CHD8: variants seen among roughly 807,000 people sequenced by gnomAD.
CHD8 encodes the protein ATP-dependent chromatin remodeler CHD8.
A neutral mutation model predicts 279.2 loss-of-function variants in CHD8; 31 were observed. That is an observed-to-expected ratio of 0.11 (90% CI 0.08 to 0.15). CHD8 has a LOEUF of 0.15. CHD8 is among the 10% of genes least tolerant of loss of function. CHD8 has a pLI of 1.00. For missense variants in CHD8, 2,146 were observed against 3,230.5 expected (o/e 0.66, Z 8.14); for synonymous variants, 1,081 against 1,139.6 (o/e 0.95, Z 1.04).
chr14:21,392,439 G>A (rs2139444368), intron 34 of CHD8, 68 bp downstream of exon 34: 1 of 1,448,594 alleles, frequency 6.9e-7, no homozygotes, highest in East Asian at 2.3e-5. Context: ...TAACCTATTA[G>A]TAAAATTAGT....
At chr14:21,399,189 TACAAC>T (rs1887925830) in intron 26 of CHD8, 1 of 286,906 alleles carries the variant, frequency 3.5e-6, no homozygotes, top group Non-Finnish European at 7.0e-6. Context: ...CACCCAGAAA[TACAAC>T]TGCGACAAGA....
In CHD8 at chr14:21,408,677, C is replaced by A. The variant is rs1888354360; in HGVS notation, c.2486+27G>T. 1 of 1,601,634 alleles carries A rather than the reference C, an allele frequency of 6.2e-7. No individual in the cohort carries two copies. The highest frequency in any genetic ancestry group is 8.5e-7 in the Non-Finnish European group (1 of 1,174,426). On this transcript the variant is annotated intron_variant, in intron 12 of 37. Coordinates refer to ENST00000646647, the MANE Select transcript of CHD8 (RefSeq NM_001170629.2). This position sits in a 1 kb window ranked among gnomAD's most constrained non-coding sequence, Gnocchi z 4.3. ...AAAAATAATCCCAGAACTAAGCTTA[C>A]ATCTTATGGCCCATTCTTTCCTTTA... is the stretch of plus-strand genomic sequence containing the variant.
At position 21,431,591 on chromosome 14, in the gene CHD8, T is replaced by C; in HGVS notation, c.53A>G (p.Asp18Gly). ...LFDDPNLFGL[D>G]SLTDDSFNQV... ...GTTAAAGCTGTCATCAGTCAGAGAG[T>C]CCAGGCCAAATAAATTTGGGTCATC... Residue 18 changes from aspartate (D) to glycine (G), a missense_variant, in exon 2 of 38, where the codon GAC (aspartate) becomes GGC (glycine). Asp to Gly is a moderately conservative substitution (Grantham distance 94, BLOSUM62 -1). Coordinates refer to ENST00000646647, the MANE Select transcript of CHD8 (RefSeq NM_001170629.2). 3.9e-6 allele frequency: 6 copies of C among 1,536,842 alleles called. No individual in the cohort carries two copies. The highest frequency in any genetic ancestry group is 5.2e-6 in the Non-Finnish European group (6 of 1,146,776).
chr14:21,411,672 C>A (rs1254937522), intron 10 of CHD8, among the ~76,000 whole-genome samples: 1 of 151,966 alleles, frequency 6.6e-6, no homozygotes, highest in African/African-American at 2.4e-5. Context: ...GTGACAAATT[C>A]TAAGAAAATG....
At chr14:21,442,919 G>A (rs185037491) in intron 1 of CHD8, among the ~76,000 whole-genome samples, 1 of 152,218 alleles carries the variant, frequency 6.6e-6, no homozygotes, top group Non-Finnish European at 1.5e-5. Context: ...TGACTGTGAA[G>A]AACTGGAGAA....
Position 21,386,101 on chromosome 14 carries a change from G to A in CHD8, c.7258C>T (p.Arg2420Cys), listed in dbSNP as rs371294659. The A allele has an allele frequency of 7.7e-6, 12 of 1,559,122 alleles. 1 individual carries two copies. The highest frequency in any genetic ancestry group is 5.4e-5 in the African/African-American group (4 of 73,408). The change falls in exon 38 of 38, where the codon CGT (arginine) becomes TGT (cysteine). Residue 2420 changes from arginine (R) to cysteine (C), a missense_variant. Arg to Cys is a radical substitution (Grantham distance 180). Transcript: ENST00000646647. ...IAPESSKKRA[R>C]RMRPDLSKMM... ...TTAGAAAGGTCTGGTCGCATCCTAC[G>A]GGCCCGCTTCTTGCTGCTCTCTGGT... is the stretch of plus-strand genomic sequence containing the variant.
chr14:21,449,131 G>A (rs1890199019), intron 1 of CHD8, among the ~76,000 whole-genome samples: 3 of 152,056 alleles, frequency 2.0e-5, no homozygotes, highest in Admixed American at 6.5e-5. Context: ...CCAAGACTGC[G>A]CCACTGCACT....
intron 1 of CHD8, among the ~76,000 whole-genome samples, chr14:21,443,019 T>G (rs1411153534): frequency 1.3e-5 from 2 of 152,110 alleles, no homozygotes; most frequent in African/African-American, 4.8e-5. Flanking sequence ...AAAGAAAACT[T>G]CAGATTTTCC....
intron 8 of CHD8, 188 bp downstream of exon 8, chr14:21,414,750 A>G (rs577995203): frequency 3.1e-6 from 2 of 637,970 alleles, no homozygotes; most frequent in Admixed American, 3.0e-5. Context: ...CCACTTACCT[A>G]CAAGGAAATA....
rs1317942971 is a variant in CHD8 at position 21,426,207 on chromosome 14, C to T, written c.1637G>A (p.Arg546His). ...ITPVVGKKRK[R>H]NTSSDNSDVE... ...ATCTGAATTATCAGATGAGGTATTACGTTTTCTCTTCTTACCCACTACAGG... is the reference window on the plus strand; with the variant it reads ...ATCTGAATTATCAGATGAGGTATTATGTTTTCTCTTCTTACCCACTACAGG... Residue 546 changes from arginine to histidine, a missense_variant, in exon 5 of 38, where the codon CGT (arginine) becomes CAT (histidine). By Grantham distance (29) the Arg-to-His change is conservative. Coordinates refer to ENST00000646647, the MANE Select transcript of CHD8 (RefSeq NM_001170629.2). The T allele has an allele frequency of 1.2e-6, 2 of 1,610,350 alleles. No individual in the cohort carries two copies. Among genetic ancestry groups the T allele is most frequent in the Non-Finnish European group, 1.7e-6 (2 of 1,177,072 alleles).
At position 21,394,950 on chromosome 14, in the gene CHD8, G is replaced by A. The variant is rs762179836; in HGVS notation, c.5352C>T (p.Phe1784=). 4 of 1,613,860 alleles carry A rather than the reference G, an allele frequency of 2.5e-6. No homozygotes were observed. The East Asian group carries it at 8.9e-5, about 36-fold the overall frequency. Residue 1784 remains phenylalanine, a synonymous_variant, in exon 30 of 38, where the codon TTC becomes TTT. Transcript: ENST00000646647. The stretch of plus-strand genomic sequence containing the variant: ...CCCGCCGTGCAATTTCTTTCAGCTT[G>A]AAGGCTGCTTCACAACGCCGCCTTC... ...DRRRRRCEAA[F]KLKEIARREK...
chr14:21,396,157 C>T (rs961742128), intron 27 of CHD8, among the ~76,000 whole-genome samples: 1 of 151,842 alleles, frequency 6.6e-6, no homozygotes, highest in Admixed American at 6.6e-5. Context: ...CCACCGCACC[C>T]GGCTAATTTT....
chr14:21,411,011 T>TA (rs1888470333), intron 10 of CHD8, among the ~76,000 whole-genome samples: 2 of 152,054 alleles, frequency 1.3e-5, no homozygotes, highest in African/African-American at 4.8e-5. Context: ...GGAAAATGGG[T>TA]ATATAGAATA....
chr14:21,422,532 C>T (rs1197100181), intron 5 of CHD8, among the ~76,000 whole-genome samples: 1 of 152,080 alleles, frequency 6.6e-6, no homozygotes, highest in Non-Finnish European at 1.5e-5. Context: ...ACCCTCTAAG[C>T]CTTATTTAAC....
chr14:21,437,361 T>A, intron 1 of CHD8: 3 of 786,072 alleles, frequency 3.8e-6, no homozygotes, highest in Non-Finnish European at 4.9e-6. Flanking sequence ...GCGCAAAGGG[T>A]GGGACTATAA....
Position 21,415,559 on chromosome 14 carries a change from A to ATAT in CHD8, c.1968+14_1968+15insATA, listed in dbSNP as rs752777632. ...TAAATAAATAAAAATAATAATAATA[A>ATAT]TAAAAAGCCCTCACCTCCTTCTTCA... On this transcript the variant is annotated intron_variant, in intron 7 of 37. Transcript: ENST00000646647. 3.1e-6 allele frequency: 4 copies of ATAT among 1,287,632 alleles called. No homozygotes were observed. The highest frequency in any genetic ancestry group is 5.0e-5 in the South Asian group (2 of 40,016). The allele number at this position is 1,287,632 out of a possible 1,614,324, so 79.8% of individuals were successfully genotyped here.
intron 37 of CHD8, among the ~76,000 whole-genome samples, chr14:21,387,538 G>A (rs992735044): frequency 1.6e-4 from 24 of 151,820 alleles, no homozygotes; most frequent in Middle Eastern, 6.8e-3. Context: ...GGAGGCTGAG[G>A]CAGAAAAATC....
intron 37 of CHD8, among the ~76,000 whole-genome samples, chr14:21,390,742 C>T (rs1887490733): frequency 1.4e-5 from 2 of 144,904 alleles, no homozygotes; most frequent in South Asian, 4.5e-4. Flanking sequence ...TGCGCCACTG[C>T]ACGACAGCAG....
rs961341753 is a variant in CHD8 at position 21,402,557 on chromosome 14, G to C, written c.3715-54C>G. 9.4e-6 allele frequency: 14 copies of C among 1,489,778 alleles called. No homozygotes were observed. In the Admixed American group the frequency reaches 3.2e-4, roughly 34 times the overall value. 92.3% of individuals were successfully genotyped at this position (1,489,778 alleles called of 1,614,324 possible). ...GAGAAAGATATCATAAAATTAGCAA[G>C]GGAAAGGATACAAAATACCAATTTA... On this transcript the variant is annotated intron_variant, in intron 18 of 37. Transcript: ENST00000646647. The surrounding 1 kb of genome is among the most constrained non-coding windows in gnomAD (Gnocchi z 4.5).
Sources: gnomAD v4.1 joint callset for allele counts (sites outside exome capture counted in the v4.1 genomes callset) on GRCh38, gnomAD v4.1.1 for gene constraint, Gnocchi (gnomAD v3.1) non-coding constraint, MANE v1.5 for transcripts, NCBI Gene and HGNC (gene_info 2026-07-23, HGNC 2026-07-21) for gene names.